The following OSBPL2 variants were observed in gnomAD, a reference collection of about 807,000 sequenced individuals.
OSBPL2 encodes the protein oxysterol-binding protein-related protein 2.
OSBPL2 carries 18 observed loss-of-function variants against 58.4 expected under a neutral mutation model. The observed-to-expected ratio is 0.31, with a 90% CI of 0.21 to 0.46. The LOEUF (loss-of-function observed/expected upper bound fraction) is 0.46, where lower values mean the gene tolerates loss of function less well. Among genes scored for constraint, OSBPL2 ranks in the 20% least tolerant of loss-of-function variants. OSBPL2 has a pLI of 1.00. For missense variants in OSBPL2, 461 were observed against 616.5 expected (o/e 0.75, Z 2.67); for synonymous variants, 221 against 234.1 (o/e 0.94, Z 0.51).
intron 12 of OSBPL2, among the ~76,000 whole-genome samples, chr20:62,290,611 A>AGGG: frequency 6.7e-6 from 1 of 150,366 alleles, no homozygotes; most frequent in Admixed American, 6.6e-5. Flanking sequence ...TAGTAGAGAC[A>AGGG]GGGTTTCACC....
intron 6 of OSBPL2, 37 bp downstream of exon 6, chr20:62,273,443 A>G (rs769685505): frequency 1.4e-6 from 2 of 1,430,606 alleles, no homozygotes; most frequent in South Asian, 2.3e-5. Flanking sequence ...TATCTTGTAA[A>G]TGGAATTCCT....
At chr20:62,280,165 G>A (rs1982690151) in intron 7 of OSBPL2, 1 of 1,240,894 alleles carries the variant, frequency 8.1e-7, no homozygotes, top group Non-Finnish European at 1.1e-6. Flanking sequence ...GTTGTAGGCA[G>A]CAGGTCCTAA....
At chr20:62,293,303 T>C (rs1160464137) in intron 13 of OSBPL2, among the ~76,000 whole-genome samples, 2 of 152,072 alleles carry the variant, frequency 1.3e-5, no homozygotes, top group African/African-American at 2.4e-5. Context: ...GGGCCCTGAG[T>C]GCCAGCCGGG....
At chr20:62,253,231 G>C (rs532517787) in intron 1 of OSBPL2, among the ~76,000 whole-genome samples, 1 of 152,244 alleles carries the variant, frequency 6.6e-6, no homozygotes, top group South Asian at 2.1e-4. Context: ...TCCATAAAGC[G>C]CAATTTCCTC....
rs1981464820 is a variant in OSBPL2 at position 62,263,667 on chromosome 20, C to T, written c.234C>T (p.Thr78=). 1.9e-6 allele frequency: 3 copies of T among 1,614,154 alleles called. No individual in the cohort carries two copies. The highest frequency in any genetic ancestry group is 1.3e-5 in the African/African-American group (1 of 75,050). Residue 78 remains threonine, a synonymous_variant, in exon 4 of 14, where the codon ACC becomes ACT. Transcript: ENST00000313733. The part of the protein sequence containing the change: ...MFSRSDFSVW[T]ILKKCVGLEL... ...GCAGAAGCGACTTCAGCGTGTGGAC[C>T]ATCCTGAAGAAGTGTGTTGGCCTGG...
Position 62,247,538 on chromosome 20 carries a change from A to G in OSBPL2, c.-128-8519A>G, listed in dbSNP as rs550025815. Among the ~76,000 whole-genome samples the G allele has an allele frequency of 2.1e-4, 32 of 152,360 alleles. No homozygotes were observed. In the South Asian group the frequency reaches 4.8e-3, roughly 23 times the overall value. On this transcript the variant is annotated intron_variant, in intron 1 of 13. Transcript: ENST00000313733. The stretch of plus-strand genomic sequence containing the variant: ...GGGAATGAGTTTGAAAGTCTCTGCC[A>G]GTGGCTTTGACCTGTCAGGAGGAGG...
chr20:62,281,984 C>T (rs927990296), intron 9 of OSBPL2, 105 bp downstream of exon 9: 39 of 665,108 alleles, frequency 5.9e-5, no homozygotes, highest in South Asian at 1.9e-4. Context: ...GCATGAGACG[C>T]GGGTACACCA....
rs906467555 is a variant in OSBPL2, at chr20:62,286,461, A to G, written c.997-122A>G. The G allele has an allele frequency of 7.0e-6, 8 of 1,139,782 alleles. No individual in the cohort carries two copies. The South Asian group carries it at 1.2e-4, about 17-fold the overall frequency. The allele number at this position is 1,139,782 out of a possible 1,614,324, so 70.6% of individuals were successfully genotyped here. A position where few individuals can be genotyped will look rare whatever the true frequency, so the allele number is the denominator to read the frequency against. On this transcript the variant is annotated intron_variant, in intron 10 of 13. Coordinates refer to ENST00000313733, the MANE Select transcript of OSBPL2 (RefSeq NM_144498.4). ...CGAGACTCCGTCTGAAAAAAAAAAA[A>G]AGGAGAAGGCTGCCTGGCTCTGCTC... is the stretch of plus-strand genomic sequence containing the variant.
intron 2 of OSBPL2, among the ~76,000 whole-genome samples, chr20:62,257,541 C>T (rs1981006648): frequency 6.6e-6 from 1 of 152,080 alleles, no homozygotes; most frequent in Non-Finnish European, 1.5e-5. Flanking sequence ...CTGCTGAATC[C>T]CACACAGCGG....
In OSBPL2 at chr20:62,293,783, A is replaced by G; in HGVS notation, c.1341-2A>G. The G allele has an allele frequency of 6.2e-7, 1 of 1,613,328 alleles. No homozygotes were observed. The highest frequency in any genetic ancestry group is 8.5e-7 in the Non-Finnish European group (1 of 1,179,720). ...CTGACCCCCCTCCCTTGTATCCGGCAGGTGGTTCTACCCAGGCAATAACCC... is the reference window on the plus strand; with the variant it reads ...CTGACCCCCCTCCCTTGTATCCGGCGGGTGGTTCTACCCAGGCAATAACCC... On this transcript the variant is annotated splice_acceptor_variant, in intron 13 of 13. Transcript: ENST00000313733. LOFTEE classifies it high-confidence loss of function.
intron 1 of OSBPL2, among the ~76,000 whole-genome samples, chr20:62,250,134 C>T (rs1484267270): frequency 2.0e-5 from 3 of 152,242 alleles, no homozygotes; most frequent in South Asian, 2.1e-4. Flanking sequence ...ACCACAGTTC[C>T]ACCTCAAGGC....
chr20:62,238,637 C>G (rs1194417790), intron 1 of OSBPL2, 40 bp downstream of exon 1: 2 of 148,248 alleles, frequency 1.3e-5, no homozygotes, highest in Non-Finnish European at 3.0e-5. Flanking sequence ...GGCCCGGGAC[C>G]CCGGCGAGCT....
At position 62,272,141 on chromosome 20, in the gene OSBPL2, C is replaced by G. The variant is rs994772771; in HGVS notation, c.275C>G (p.Thr92Arg). 6.2e-7 allele frequency: 1 copy of G among 1,613,792 alleles called. No homozygotes were observed. Among genetic ancestry groups the G allele is most frequent in the Non-Finnish European group, 8.5e-7 (1 of 1,179,938 alleles). The change falls in exon 5 of 14, where the codon ACG becomes AGG. Residue 92 changes from threonine to arginine, a missense_variant. Thr to Arg is a moderately conservative substitution (Grantham distance 71). Transcript: ENST00000313733. ...KCVGLELSKI[T>R]MPIAFNEPLS... ...TCTTTCCAGGAGCTGTCCAAGATCA[C>G]GATGCCAATCGCCTTCAACGAGCCT... is the stretch of plus-strand genomic sequence containing the variant.
At position 62,293,824 on chromosome 20, in the gene OSBPL2, CG is replaced by C; in HGVS notation, c.1381del (p.Asp461ThrfsTer44). ...GCAATAACCCCTACACTGGGACCCC[CG>C]ACTGGTTGTATGCAGGGGATTACTT... ...PGNNPYTGTP[D>X]WLYAGDYFER... On this transcript the variant is annotated frameshift_variant, in exon 14 of 14. Transcript: ENST00000313733. LOFTEE classifies it high-confidence loss of function. 1 of 1,614,144 alleles carries C rather than the reference CG, an allele frequency of 6.2e-7. No homozygotes were observed. The highest frequency in any genetic ancestry group is 1.7e-5 in the Admixed American group (1 of 60,016).
rs772867550 is a variant in OSBPL2, at chr20:62,284,167, C to A, written c.994C>A (p.Leu332Met). Residue 332 changes from leucine (L) to methionine (M), a missense_variant and splice_region_variant, in exon 10 of 14, where the codon CTG becomes ATG. Coordinates refer to ENST00000313733, the MANE Select transcript of OSBPL2 (RefSeq NM_144498.4). ...RRGDHLRKAK[L>M]DEDSGKADSD... is the part of the protein sequence containing the mutation. ...AGGTGACCACCTGAGAAAGGCCAAG[C>A]TGGTAAGGGCTGGGGCGTCCCCGGG... The A allele has an allele frequency of 6.2e-7, 1 of 1,614,108 alleles. No homozygotes were observed. Among genetic ancestry groups the A allele is most frequent in the Non-Finnish European group, 8.5e-7 (1 of 1,180,006 alleles).
intron 6 of OSBPL2, among the ~76,000 whole-genome samples, chr20:62,277,322 T>C (rs1317623340): frequency 2.0e-5 from 3 of 152,268 alleles, no homozygotes; most frequent in Non-Finnish European, 1.5e-5. Context: ...AGAAGCCTTG[T>C]GGGTGAAAGG....
chr20:62,271,887 G>A (rs1257881589), intron 4 of OSBPL2, among the ~76,000 whole-genome samples: 2 of 152,146 alleles, frequency 1.3e-5, no homozygotes, highest in Admixed American at 6.5e-5. Context: ...GGATTCAGGG[G>A]TGTCATGCCA....
chr20:62,240,147 C>T (rs756628851), intron 1 of OSBPL2, among the ~76,000 whole-genome samples: 3 of 152,174 alleles, frequency 2.0e-5, no homozygotes, highest in Non-Finnish European at 4.4e-5. Context: ...GCCACCGCGC[C>T]CTGCCATGAA....
At chr20:62,284,295 G>A in intron 10 of OSBPL2, 126 bp downstream of exon 10, 1 of 1,067,302 alleles carries the variant, frequency 9.4e-7, no homozygotes, top group Non-Finnish European at 1.4e-6. Flanking sequence ...AGAGATGAAT[G>A]TGCAGAATTT....
Sources: allele counts gnomAD v4.1 joint callset (sites outside exome capture counted in the v4.1 genomes callset), GRCh38; gene constraint gnomAD v4.1.1; transcripts MANE v1.5; gene names NCBI Gene and HGNC (gene_info 2026-07-23, HGNC 2026-07-21).